The following ZNF343 variants were observed in gnomAD, a reference collection of about 807,000 sequenced individuals.
The protein encoded by ZNF343 is zinc finger protein 343.
Under a neutral mutation model 13.8 loss-of-function variants are expected in ZNF343, and 11 were observed. The observed-to-expected ratio is 0.80, with a 90% CI of 0.50 to 1.32. ZNF343 has a LOEUF of 1.32. Among genes scored for constraint, ZNF343 ranks in the 40% most tolerant of loss-of-function variants. The pLI, the probability that ZNF343 is intolerant of heterozygous loss-of-function variation, is 0.00. For missense variants in ZNF343, 658 were observed against 714.2 expected (o/e 0.92, Z 0.90); for synonymous variants, 248 against 260.0 (o/e 0.95, Z 0.44).
intron 5 of ZNF343, among the ~76,000 whole-genome samples, chr20:2,486,225 A>G (rs1232229194): frequency 6.6e-6 from 1 of 152,198 alleles, no homozygotes; most frequent in Non-Finnish European, 1.5e-5. Flanking sequence ...CACTGGAACC[A>G]AAAGCTCCTT....
At chr20:2,487,876 T>C (rs2085305480) in intron 5 of ZNF343, among the ~76,000 whole-genome samples, 1 of 152,248 alleles carries the variant, frequency 6.6e-6, no homozygotes. Context: ...GAATGGTGTG[T>C]AGTTTTAATT....
At position 2,508,173 on chromosome 20, in the gene ZNF343, G is replaced by C. The variant is rs571777817; in HGVS notation, c.-237+708C>G. ...AGTGATACAGCCCACCACTATCAGAGGACGAAACCTCCCTCACCTCCCTAA... is the reference window on the plus strand; with the variant it reads ...AGTGATACAGCCCACCACTATCAGACGACGAAACCTCCCTCACCTCCCTAA... On this transcript the variant is annotated intron_variant, in intron 1 of 5. Coordinates refer to ENST00000278772, the MANE Select transcript of ZNF343 (RefSeq NM_024325.6). The surrounding 1 kb of genome is among the most constrained non-coding windows in gnomAD (Gnocchi z 4.5). Among the ~76,000 whole-genome samples the C allele has an allele frequency of 4.1e-4, 62 of 152,124 alleles. No individual in the cohort carries two copies. The South Asian group carries it at 0.012, about 31-fold the overall frequency.
At chr20:2,519,385 C>A (rs992944201) in intron 1 of ZNF343, among the ~76,000 whole-genome samples, 2 of 152,198 alleles carry the variant, frequency 1.3e-5, no homozygotes, top group African/African-American at 4.8e-5. Context: ...GACCTTCACA[C>A]TCACACTGAC....
chr20:2,493,380 T>C, intron 4 of ZNF343, 139 bp downstream of exon 4: 1 of 802,130 alleles, frequency 1.2e-6, no homozygotes, highest in South Asian at 1.5e-5. Flanking sequence ...TTGACAACTT[T>C]TTTCAAGAAA....
At chr20:2,519,738 C>T (rs1326518575) in intron 1 of ZNF343, among the ~76,000 whole-genome samples, 1 of 152,166 alleles carries the variant, frequency 6.6e-6, no homozygotes, top group Non-Finnish European at 1.5e-5. Context: ...ACACAATGGA[C>T]ATTTCATTTG....
chr20:2,501,480 G>A (rs954591186), intron 1 of ZNF343, among the ~76,000 whole-genome samples: 9 of 152,194 alleles, frequency 5.9e-5, no homozygotes, highest in East Asian at 1.9e-4. Flanking sequence ...CTCCCAGCAC[G>A]CAGCTGGAGA....
chr20:2,493,064 C>T (rs896099820), intron 4 of ZNF343: 28 of 530,870 alleles, frequency 5.3e-5, no homozygotes, highest in East Asian at 1.4e-4. Flanking sequence ...ATGATTTCAC[C>T]GGAGAAATGA....
intron 1 of ZNF343, among the ~76,000 whole-genome samples, chr20:2,519,291 A>C (rs1173629894): frequency 6.6e-6 from 1 of 151,986 alleles, no homozygotes; most frequent in Non-Finnish European, 1.5e-5. Context: ...CTGACACCCT[A>C]ATCCTGACTG....
chr20:2,502,887 G>A (rs2085593349), intron 1 of ZNF343, among the ~76,000 whole-genome samples: 1 of 152,248 alleles, frequency 6.6e-6, no homozygotes. Context: ...ATTGAGGCTA[G>A]GAAGAAACTG....
chr20:2,507,345 G>A (rs917826760), intron 1 of ZNF343, among the ~76,000 whole-genome samples: 2 of 151,208 alleles, frequency 1.3e-5, no homozygotes, highest in East Asian at 1.9e-4. Context: ...AGAGAATAAT[G>A]TAAACAGCTT....
intron 5 of ZNF343, among the ~76,000 whole-genome samples, chr20:2,485,663 C>T (rs1053176354): frequency 2.0e-5 from 3 of 152,254 alleles, no homozygotes; most frequent in South Asian, 2.1e-4. Context: ...TTCTTCACTG[C>T]TGTGTCTCCT....
At chr20:2,519,470 A>G (rs2085773639) in intron 1 of ZNF343, among the ~76,000 whole-genome samples, 1 of 152,230 alleles carries the variant, frequency 6.6e-6, no homozygotes. Flanking sequence ...ACAAGAGGAA[A>G]TTCTTCAGCA....
intron 1 of ZNF343, among the ~76,000 whole-genome samples, chr20:2,505,878 A>G (rs1040068556): frequency 3.3e-4 from 51 of 152,254 alleles, no homozygotes; most frequent in African/African-American, 1.2e-3. Context: ...GGACATAGGC[A>G]TGGGCAAGGA....
intron 1 of ZNF343, among the ~76,000 whole-genome samples, chr20:2,524,056 A>G (rs1169750852): frequency 6.6e-6 from 1 of 150,936 alleles, no homozygotes; most frequent in East Asian, 1.9e-4. Flanking sequence ...GGTGTGGCCC[A>G]CTCCCATAAT....
intron 2 of ZNF343, among the ~76,000 whole-genome samples, chr20:2,499,261 C>G (rs895285626): frequency 2.8e-5 from 4 of 142,912 alleles, no homozygotes; most frequent in South Asian, 2.1e-4. Context: ...GTCAGGAGAT[C>G]GAGACCATCC....
rs555851475 is a variant in ZNF343, at chr20:2,489,123, C to T, written c.304+3576G>A. Among the ~76,000 whole-genome samples, 14 of 152,128 alleles carry T rather than the reference C, an allele frequency of 9.2e-5. No individual in the cohort carries two copies. In the South Asian group the frequency reaches 1.5e-3, roughly 16 times the overall value. On this transcript the variant is annotated intron_variant, in intron 5 of 5. Coordinates refer to ENST00000278772, the MANE Select transcript of ZNF343 (RefSeq NM_024325.6). ...ATTAGATACCATTAACTTTGTTGAA[C>T]GTAGTAATGGTATTGTGGTTATGTA...
At chr20:2,509,431 T>C (rs578021945), upstream of ZNF343, among the ~76,000 whole-genome samples, 5 of 152,230 alleles carry the variant, frequency 3.3e-5, no homozygotes, top group South Asian at 1.0e-3. Context: ...ACCAGTGCAC[T>C]CCTGTGGGTG....
At chr20:2,498,896 G>C (rs1490575594) in intron 2 of ZNF343, among the ~76,000 whole-genome samples, 2 of 152,214 alleles carry the variant, frequency 1.3e-5, no homozygotes, top group Non-Finnish European at 2.9e-5. Context: ...CTGAAGCGCA[G>C]TGGTGTGATC....
intron 1 of ZNF343, among the ~76,000 whole-genome samples, chr20:2,500,968 CA>C (rs1478971168): frequency 6.6e-6 from 1 of 152,128 alleles, no homozygotes; most frequent in African/African-American, 2.4e-5. Context: ...GGGTGCAGGA[CA>C]GTGGGTGCAG....
Sources: allele counts gnomAD v4.1 joint callset (sites outside exome capture counted in the v4.1 genomes callset), GRCh38; gene constraint gnomAD v4.1.1; non-coding constraint Gnocchi (gnomAD v3.1); transcripts MANE v1.5; gene names NCBI Gene and HGNC (gene_info 2026-07-23, HGNC 2026-07-21).